Variants in NEK11 observed in about 807,000 individuals in gnomAD.
NEK11 encodes the protein serine/threonine-protein kinase Nek11.
NEK11 carries 72 observed loss-of-function variants against 80.7 expected under a neutral mutation model. That is an observed-to-expected ratio of 0.89 (90% CI 0.74 to 1.08). The LOEUF (loss-of-function observed/expected upper bound fraction) is 1.08, where lower values mean the gene tolerates loss of function less well. NEK11 is among the 50% of genes least tolerant of loss of function. NEK11 has a pLI of 0.00. For synonymous variants in NEK11, 251 were observed against 260.7 expected, an observed-to-expected ratio of 0.96 and a Z score of 0.36; for missense variants, 764 against 763.6, an observed-to-expected ratio of 1.00 and a Z score of -0.01.
chr3:131,123,981 G>A (rs1472172904), intron 5 of NEK11, among the ~76,000 whole-genome samples: 2 of 152,158 alleles, frequency 1.3e-5, no homozygotes, highest in African/African-American at 4.8e-5. Context: ...ATTCTCTGGG[G>A]TTCTAGTTCT....
intron 4 of NEK11, chr3:131,088,101 C>T (rs1053714437): frequency 2.0e-5 from 3 of 152,182 alleles, no homozygotes; most frequent in Admixed American, 1.3e-4. Flanking sequence ...AGTGGTGGGT[C>T]CCATCGGGGC....
intron 14 of NEK11, among the ~76,000 whole-genome samples, chr3:131,227,335 G>T (rs1328045624): frequency 6.6e-6 from 1 of 152,082 alleles, no homozygotes; most frequent in Non-Finnish European, 1.5e-5. Context: ...CATTTGTACA[G>T]ACTTGGAAAT....
chr3:131,032,819 C>T (rs1351013532), intron 3 of NEK11, among the ~76,000 whole-genome samples: 2 of 152,164 alleles, frequency 1.3e-5, no homozygotes, highest in African/African-American at 4.8e-5. Context: ...AATTATTCCT[C>T]AAAAACAGCA....
At chr3:131,238,017 T>C (rs965010832) in intron 15 of NEK11, among the ~76,000 whole-genome samples, 2 of 152,150 alleles carry the variant, frequency 1.3e-5, no homozygotes, top group Non-Finnish European at 2.9e-5. Flanking sequence ...CTCTCTTCCA[T>C]CAACATGAGA....
intron 10 of NEK11, among the ~76,000 whole-genome samples, chr3:131,158,737 C>T (rs2091120123): frequency 1.3e-5 from 2 of 152,204 alleles, no homozygotes; most frequent in African/African-American, 4.8e-5. Context: ...AGACAGGCAC[C>T]CTGACACCTG....
chr3:131,180,638 T>C (rs891743864), intron 14 of NEK11, among the ~76,000 whole-genome samples: 4 of 152,230 alleles, frequency 2.6e-5, no homozygotes, highest in Non-Finnish European at 5.9e-5. Flanking sequence ...AAGTGTAGCC[T>C]AGCCTGACCA....
Position 131,110,663 on chromosome 3 carries a change from C to T in NEK11, c.455+742C>T, listed in dbSNP as rs188685269. On this transcript the variant is annotated intron_variant, in intron 5 of 17. Transcript: ENST00000383366. ...GGATATTCTGAGGTGTCTGTGGTCGCTTTCACCTTGGAAGTGGGCGTTAAC... is the reference window on the plus strand; with the variant it reads ...GGATATTCTGAGGTGTCTGTGGTCGTTTTCACCTTGGAAGTGGGCGTTAAC... Among the ~76,000 whole-genome samples the T allele has an allele frequency of 6.6e-4, 100 of 152,190 alleles. 3 individuals carry two copies. Among genetic ancestry groups the T allele is most frequent in the Admixed American group, 6.5e-3 (100 of 15,274 alleles).
chr3:131,069,282 A>G (rs2072718615), intron 3 of NEK11, among the ~76,000 whole-genome samples: 1 of 152,146 alleles, frequency 6.6e-6, no homozygotes, highest in African/African-American at 2.4e-5. Context: ...TTAAAACTCA[A>G]TTTGTTACTG....
chr3:131,156,513 G>A (rs2090664698), intron 10 of NEK11, among the ~76,000 whole-genome samples: 1 of 152,094 alleles, frequency 6.6e-6, no homozygotes, highest in South Asian at 2.1e-4. Flanking sequence ...TGTCTATCTG[G>A]CTGCCTCTAG....
At chr3:131,156,468 C>T (rs1165681322) in intron 10 of NEK11, among the ~76,000 whole-genome samples, 1 of 152,126 alleles carries the variant, frequency 6.6e-6, no homozygotes, top group African/African-American at 2.4e-5. Flanking sequence ...ATGTGCCTTC[C>T]CTCTGAAGAC....
At chr3:131,332,559 C>G (rs1278227359) in intron 17 of NEK11, among the ~76,000 whole-genome samples, 2 of 152,204 alleles carry the variant, frequency 1.3e-5, no homozygotes, top group Non-Finnish European at 2.9e-5. Flanking sequence ...AAACAGAGCG[C>G]CTCTCCTCCT....
At chr3:131,292,145 C>T (rs191766479) in intron 17 of NEK11, among the ~76,000 whole-genome samples, 3 of 152,290 alleles carry the variant, frequency 2.0e-5, no homozygotes, top group African/African-American at 7.2e-5. Flanking sequence ...TATGGATGTA[C>T]GGTTGTTCCA....
intron 5 of NEK11, among the ~76,000 whole-genome samples, chr3:131,113,041 A>G (rs115013624): frequency 1.3e-5 from 2 of 152,162 alleles, no homozygotes; most frequent in Non-Finnish European, 2.9e-5. Context: ...ATATCCATGC[A>G]TGAGATTGTG....
At chr3:131,243,375 A>G (rs372062470) in intron 15 of NEK11, 61 bp from the exon 16 acceptor site, 447 of 1,470,566 alleles carry the variant, frequency 3.0e-4, no homozygotes, top group Non-Finnish European at 4.0e-4. Context: ...ACATTTTTCC[A>G]TGTTATTAAG....
chr3:131,275,769 A>G lies in NEK11; in HGVS notation c.1718+2195A>G, dbSNP rs115290221. On this transcript the variant is annotated intron_variant, in intron 17 of 17. Transcript: ENST00000383366. ...TGCTGTTCTTTCTCTGCACTGTGAT[A>G]TACTGCATGCTCAGCATATGGATGG... Among the ~76,000 whole-genome samples, 1,334 of 152,368 alleles carry G rather than the reference A, an allele frequency of 8.8e-3. 14 individuals are homozygous for G. Among genetic ancestry groups the G allele is most frequent in the African/African-American group, 0.028 (1,183 of 41,584 alleles).
chr3:131,210,449 GT>G (rs2094574107), intron 14 of NEK11, among the ~76,000 whole-genome samples: 1 of 152,220 alleles, frequency 6.6e-6, no homozygotes, highest in Non-Finnish European at 1.5e-5. Flanking sequence ...TGTATATTCT[GT>G]TGATTTGGGG....
chr3:131,131,176 T>A (rs1284451667), intron 5 of NEK11, among the ~76,000 whole-genome samples: 1 of 152,242 alleles, frequency 6.6e-6, no homozygotes, highest in Non-Finnish European at 1.5e-5. Flanking sequence ...TACTGGTTTT[T>A]AGTTTTCTTT....
intron 10 of NEK11, among the ~76,000 whole-genome samples, chr3:131,158,009 T>C (rs1202149543): frequency 6.6e-6 from 1 of 152,018 alleles, no homozygotes; most frequent in Non-Finnish European, 1.5e-5. Flanking sequence ...CTTGACTTGC[T>C]CCCATGGGAG....
chr3:131,108,153 C>T (rs1165714625), intron 4 of NEK11, among the ~76,000 whole-genome samples: 3 of 152,072 alleles, frequency 2.0e-5, no homozygotes, highest in South Asian at 2.1e-4. Context: ...TGATTTGTTA[C>T]GGCCCTGTGT....
Sources: gnomAD v4.1 joint callset for allele counts (sites outside exome capture counted in the v4.1 genomes callset) on GRCh38, gnomAD v4.1.1 for gene constraint, MANE v1.5 for transcripts, NCBI Gene and HGNC (gene_info 2026-07-23, HGNC 2026-07-21) for gene names.